The following ESRP1 variants were observed in gnomAD, a reference collection of about 807,000 sequenced individuals.
ESRP1 encodes the protein RNA-binding motif protein 35A.
In ESRP1, 33 loss-of-function variants were observed where a neutral mutation model predicts 81.7. That is an observed-to-expected ratio of 0.40 (90% CI 0.31 to 0.54). The LOEUF (loss-of-function observed/expected upper bound fraction) is 0.54. ESRP1 is among the 20% of genes least tolerant of loss of function. ESRP1 has a pLI of 0.41. For missense variants in ESRP1, 672 were observed against 833.1 expected (o/e 0.81, Z 2.38); for synonymous variants, 320 against 303.3 (o/e 1.06, Z -0.57).
intron 4 of ESRP1, among the ~76,000 whole-genome samples, chr8:94,652,123 G>A (rs1196572782): frequency 1.3e-5 from 2 of 151,126 alleles, no homozygotes; most frequent in African/African-American, 2.4e-5. Flanking sequence ...AAGTAGGTGA[G>A]ATTACAGGCA....
At chr8:94,646,126 C>A in intron 3 of ESRP1, 42 bp from the exon 4 acceptor site, 4 of 1,154,900 alleles carry the variant, frequency 3.5e-6, no homozygotes, top group South Asian at 1.5e-5. Context: ...AACATTGAAC[C>A]AAATTCACCT....
intron 4 of ESRP1, among the ~76,000 whole-genome samples, chr8:94,648,647 A>G (rs1392989492): frequency 6.6e-6 from 1 of 152,256 alleles, no homozygotes; most frequent in African/African-American, 2.4e-5. Flanking sequence ...CCAAGTGGAC[A>G]GAAGGTCATT....
At chr8:94,678,129 T>C (rs1221182885) in intron 12 of ESRP1, 74 bp from the exon 13 acceptor site, 11 of 1,468,276 alleles carry the variant, frequency 7.5e-6, no homozygotes, top group South Asian at 3.7e-5. Flanking sequence ...GAACAGTGAC[T>C]ATGTTTTTAG....
intron 10 of ESRP1, among the ~76,000 whole-genome samples, chr8:94,669,517 T>G (rs1347407614): frequency 3.3e-5 from 5 of 152,208 alleles, no homozygotes; most frequent in Non-Finnish European, 7.3e-5. Flanking sequence ...ATTATTTTTG[T>G]GTTCCATTGT....
At chr8:94,682,009 T>C (rs2130676838) in intron 13 of ESRP1, among the ~76,000 whole-genome samples, 1 of 152,314 alleles carries the variant, frequency 6.6e-6, no homozygotes, top group East Asian at 1.9e-4. Context: ...ATGCCTCATG[T>C]GGTTTTGTTT....
intron 2 of ESRP1, among the ~76,000 whole-genome samples, chr8:94,642,367 T>C (rs912323930): frequency 2.6e-5 from 4 of 152,212 alleles, no homozygotes; most frequent in African/African-American, 9.6e-5. Context: ...ATTTTGCCAA[T>C]TGATTGACGT....
chr8:94,686,072 T>C lies in ESRP1; in HGVS notation c.1821-6605T>C, dbSNP rs184031176. Among the ~76,000 whole-genome samples, 630 of 152,174 alleles carry C rather than the reference T, an allele frequency of 4.1e-3. 4 individuals are homozygous for C. The highest frequency in any genetic ancestry group is 6.3e-3 in the Non-Finnish European group (428 of 67,974). On this transcript the variant is annotated intron_variant, in intron 13 of 15. Coordinates refer to ENST00000433389, the MANE Select transcript of ESRP1 (RefSeq NM_017697.4). ...AAGCGATTCTCTTGCCTCCGTCTCC[T>C]GAGGCACCCACTACCCTGGCTAATT...
intron 14 of ESRP1, among the ~76,000 whole-genome samples, chr8:94,696,239 T>G (rs117623290): frequency 1.6e-3 from 250 of 152,364 alleles, no homozygotes; most frequent in Non-Finnish European, 2.9e-3. Flanking sequence ...CTGAATGGAC[T>G]CTCAGGTATC....
At chr8:94,692,370 C>G (rs191068154) in intron 13 of ESRP1, among the ~76,000 whole-genome samples, 1 of 152,182 alleles carries the variant, frequency 6.6e-6, no homozygotes, top group East Asian at 1.9e-4. Flanking sequence ...AGCTGGGCCT[C>G]GGAAGTGGTG....
chr8:94,671,611 C>T lies in ESRP1; in HGVS notation c.1392C>T (p.Phe464=), dbSNP rs747030296. 6.2e-7 allele frequency: 1 copy of T among 1,613,916 alleles called. No homozygotes were observed. The change falls in exon 11 of 16, where the codon TTC becomes TTT. Residue 464 remains phenylalanine, a synonymous_variant. Transcript: ENST00000433389. The part of the protein sequence containing the change: ...YAATIEDILD[F]LGEFATDIRT... ...CCACAATTGAGGACATCCTGGATTTCCTGGGGGAGTTCGCCACAGATATTC... is the reference window on the plus strand; with the variant it reads ...CCACAATTGAGGACATCCTGGATTTTCTGGGGGAGTTCGCCACAGATATTC...
At chr8:94,704,843 G>A (rs574494422) in intron 15 of ESRP1, among the ~76,000 whole-genome samples, 4 of 149,742 alleles carry the variant, frequency 2.7e-5, no homozygotes, top group African/African-American at 2.5e-5. Context: ...CATCCTGGGT[G>A]ATGGAGCTAG....
Position 94,696,928 on chromosome 8 carries a change from G to A in ESRP1, c.*2G>A. ...CCCAAAGAATGGGTTTGTATTTAAG[G>A]GCCCCAGCAGTTAGAACATCCTCAG... On this transcript the variant is annotated 3_prime_UTR_variant, in exon 15 of 16. Transcript: ENST00000433389. The A allele has an allele frequency of 6.3e-7, 1 of 1,580,060 alleles. No homozygotes were observed. Among genetic ancestry groups the A allele is most frequent in the East Asian group, 2.3e-5 (1 of 43,890 alleles).
At chr8:94,697,975 G>A (rs1256118083) in intron 15 of ESRP1, among the ~76,000 whole-genome samples, 1 of 152,032 alleles carries the variant, frequency 6.6e-6, no homozygotes, top group Non-Finnish European at 1.5e-5. Flanking sequence ...TAGAGACAGG[G>A]TTTCACTATG....
intron 6 of ESRP1, among the ~76,000 whole-genome samples, chr8:94,663,783 C>T (rs922120359): frequency 6.6e-6 from 1 of 151,998 alleles, no homozygotes; most frequent in Non-Finnish European, 1.5e-5. Context: ...AAAATGTGAA[C>T]GTGGGAGGGA....
intron 4 of ESRP1, among the ~76,000 whole-genome samples, chr8:94,657,822 A>G (rs1818512999): frequency 6.6e-6 from 1 of 152,156 alleles, no homozygotes; most frequent in South Asian, 2.1e-4. Flanking sequence ...CTCTCACACT[A>G]TTGCTCAATA....
At chr8:94,661,745 TC>T (rs1235596875) in intron 4 of ESRP1, among the ~76,000 whole-genome samples, 1 of 152,194 alleles carries the variant, frequency 6.6e-6, no homozygotes, top group Non-Finnish European at 1.5e-5. Context: ...AGGTGGACTA[TC>T]CTACAGGGCT....
In ESRP1 at chr8:94,706,175, G is replaced by T; in HGVS notation, c.*286G>T. 1 of 503,860 alleles carries T rather than the reference G, an allele frequency of 2.0e-6. No individual in the cohort carries two copies. Among genetic ancestry groups the T allele is most frequent in the Non-Finnish European group, 3.5e-6 (1 of 286,796 alleles). 31.2% of individuals were successfully genotyped at this position (503,860 alleles called of 1,614,324 possible). A position where few individuals can be genotyped will look rare whatever the true frequency, so the allele number is the denominator to read the frequency against. ...AAATAGGCATTTAAAATGTGAATTTGGAATCAGATGTCTCCATTACTTCCA... is the reference window on the plus strand; with the variant it reads ...AAATAGGCATTTAAAATGTGAATTTTGAATCAGATGTCTCCATTACTTCCA... On this transcript the variant is annotated 3_prime_UTR_variant, in exon 16 of 16. Coordinates refer to ENST00000433389, the MANE Select transcript of ESRP1 (RefSeq NM_017697.4).
intron 13 of ESRP1, among the ~76,000 whole-genome samples, chr8:94,687,118 T>C (rs956368870): frequency 1.3e-5 from 2 of 152,210 alleles, no homozygotes; most frequent in African/African-American, 2.4e-5. Flanking sequence ...AGAAACCTTA[T>C]GCCCATTAGT....
intron 13 of ESRP1, among the ~76,000 whole-genome samples, chr8:94,690,926 G>T (rs1335953109): frequency 6.6e-6 from 1 of 152,176 alleles, no homozygotes; most frequent in Non-Finnish European, 1.5e-5. Context: ...TTGTACAGGA[G>T]GAAAGTAATG....
Sources: allele counts gnomAD v4.1 joint callset (sites outside exome capture counted in the v4.1 genomes callset), GRCh38; gene constraint gnomAD v4.1.1; transcripts MANE v1.5; gene names NCBI Gene and HGNC (gene_info 2026-07-23, HGNC 2026-07-21).